The following HECW2 variants were observed in gnomAD, a reference collection of about 807,000 sequenced individuals.
HECW2 encodes the protein HECT, C2 and WW domain containing E3 ubiquitin protein ligase 2, also known as E3 ubiquitin-protein ligase HECW2.
A neutral mutation model predicts 175.2 loss-of-function variants in HECW2; 61 were observed. The ratio of observed to expected loss-of-function variants is 0.35; its 90% CI spans 0.28 to 0.43. The LOEUF (loss-of-function observed/expected upper bound fraction) is 0.43, where lower values mean the gene tolerates loss of function less well. HECW2 is among the 20% of genes least tolerant of loss of function. The pLI is 1.00. For synonymous variants in HECW2, 671 were observed against 731.0 expected, an observed-to-expected ratio of 0.92 and a Z score of 1.32; for missense variants, 1,524 against 2,000.5, an observed-to-expected ratio of 0.76 and a Z score of 4.54.
intron 2 of HECW2, among the ~76,000 whole-genome samples, chr2:196,347,997 C>T (rs1390005800): frequency 6.6e-6 from 1 of 152,268 alleles, no homozygotes; most frequent in East Asian, 1.9e-4. Context: ...ACAATCTCTA[C>T]AACTGCCACT....
At chr2:196,367,876 TTGTGTG>T (rs34963101) in intron 2 of HECW2, among the ~76,000 whole-genome samples, 1 of 144,904 alleles carries the variant, frequency 6.9e-6, no homozygotes, top group Non-Finnish European at 1.5e-5. Flanking sequence ...GTGTGTGTGT[TTGTGTG>T]TGTGTGTGTG....
chr2:196,200,114 T>C lies in HECW2; in HGVS notation c.*1163A>G, dbSNP rs994194188. On this transcript the variant is annotated 3_prime_UTR_variant, in exon 29 of 29. Transcript: ENST00000644978. Reference sequence around the variant, plus strand: ...TGGATGGAAGAGAGTCTAATGCATTTTAAATAAATGCATATCATACTATCA... The same window carrying C: ...TGGATGGAAGAGAGTCTAATGCATTCTAAATAAATGCATATCATACTATCA... 6.6e-6 allele frequency: 1 copy of C among 152,650 alleles called. No homozygotes were observed. The highest frequency in any genetic ancestry group is 2.4e-5 in the African/African-American group (1 of 41,462). 9.5% of individuals were successfully genotyped at this position (152,650 alleles called of 1,614,324 possible).
Position 196,197,815 on chromosome 2 carries a change from G to A in HECW2, c.*3462C>T, listed in dbSNP as rs555407732. ...ATGATGCTTGTACCCTACAAAGTGC[G>A]TGAGGAGCTAAACGGACGATGTACC... On this transcript the variant is annotated 3_prime_UTR_variant, in exon 29 of 29. Transcript: ENST00000644978. 8 of 152,330 alleles carry A rather than the reference G, an allele frequency of 5.3e-5. No homozygotes were observed. The highest frequency in any genetic ancestry group is 1.3e-4 in the Admixed American group (2 of 15,304). 9.4% of individuals were successfully genotyped at this position (152,330 alleles called of 1,614,324 possible). A position where few individuals can be genotyped will look rare whatever the true frequency, so the allele number is the denominator to read the frequency against.
chr2:196,538,542 G>A (rs77131547), intron 1 of HECW2, among the ~76,000 whole-genome samples: 1 of 152,278 alleles, frequency 6.6e-6, no homozygotes, highest in African/African-American at 2.4e-5. Flanking sequence ...GATTTAGGAT[G>A]GCAGCTTAGA....
At chr2:196,268,004 T>C (rs1398761902) in intron 17 of HECW2, among the ~76,000 whole-genome samples, 1 of 152,224 alleles carries the variant, frequency 6.6e-6, no homozygotes, top group Non-Finnish European at 1.5e-5. Context: ...CTCCATTCCA[T>C]GTATAAATCT....
At chr2:196,511,389 T>C (rs909598682) in intron 1 of HECW2, among the ~76,000 whole-genome samples, 2 of 152,232 alleles carry the variant, frequency 1.3e-5, no homozygotes, top group African/African-American at 2.4e-5. Context: ...GATTGAATGC[T>C]GTATTGTGTA....
intron 1 of HECW2, among the ~76,000 whole-genome samples, chr2:196,587,731 C>G (rs1036640586): frequency 6.6e-6 from 1 of 152,162 alleles, no homozygotes; most frequent in African/African-American, 2.4e-5. Context: ...ACGCACTCAC[C>G]AGTGCAGTCT....
Position 196,329,587 on chromosome 2 carries a change from A to G in HECW2, c.559T>C (p.Phe187Leu). 1 of 1,613,384 alleles carries G rather than the reference A, an allele frequency of 6.2e-7. No individual in the cohort carries two copies. The highest frequency in any genetic ancestry group is 8.5e-7 in the Non-Finnish European group (1 of 1,179,352). ...AAGACATTCTTACCTGACAATGTAA[A>G]GCTAACAAGTTTTCGAGAATGCAGG... ...GNLHSRKLVS[F>L]TLSDLRAVGL... The change falls in exon 5 of 29, where the codon TTT becomes CTT. Residue 187 changes from phenylalanine to leucine, a missense_variant. Transcript: ENST00000644978.
At chr2:196,413,938 C>T (rs1444632944) in intron 2 of HECW2, among the ~76,000 whole-genome samples, 2 of 152,164 alleles carry the variant, frequency 1.3e-5, no homozygotes, top group Non-Finnish European at 2.9e-5. Context: ...ATTTCCATCA[C>T]CCCGTGCTTC....
chr2:196,227,239 C>T (rs1366823325), intron 22 of HECW2, among the ~76,000 whole-genome samples: 1 of 152,188 alleles, frequency 6.6e-6, no homozygotes, highest in Non-Finnish European at 1.5e-5. Flanking sequence ...TCTCATGATT[C>T]AAATAAGCTT....
In HECW2 at chr2:196,394,829, C is replaced by T. The variant is rs541131065; in HGVS notation, c.292+38303G>A. ...GAATGAAGTTGGACCATGTCTTAGT[C>T]CCTTTGTGTTGCTATCAGAAAATAT... On this transcript the variant is annotated intron_variant, in intron 2 of 28. Transcript: ENST00000644978. Among the ~76,000 whole-genome samples the T allele has an allele frequency of 5.3e-4, 80 of 152,248 alleles. 1 individual carries two copies. The South Asian group carries it at 0.015, about 29-fold the overall frequency.
At chr2:196,208,454 A>C (rs1213594638) in intron 28 of HECW2, among the ~76,000 whole-genome samples, 1 of 152,250 alleles carries the variant, frequency 6.6e-6, no homozygotes, top group Non-Finnish European at 1.5e-5. Context: ...TAATTCAGAT[A>C]AGGTACTTGT....
chr2:196,585,777 A>G lies in HECW2; in HGVS notation c.-36+7731T>C, dbSNP rs573475444. On this transcript the variant is annotated intron_variant, in intron 1 of 28. Coordinates refer to ENST00000644978, the MANE Select transcript of HECW2 (RefSeq NM_001348768.2). ...CAATACCACTATAAGACCAGAAGAA[A>G]TCATTCATTTTTTCTAGATTATGCC... is the stretch of plus-strand genomic sequence containing the variant. Among the ~76,000 whole-genome samples, 13 of 152,320 alleles carry G rather than the reference A, an allele frequency of 8.5e-5. No individual in the cohort carries two copies. In the South Asian group the frequency reaches 2.7e-3, roughly 32 times the overall value.
chr2:196,484,839 T>A (rs1686948769), intron 1 of HECW2, among the ~76,000 whole-genome samples: 1 of 152,188 alleles, frequency 6.6e-6, no homozygotes, highest in Non-Finnish European at 1.5e-5. Context: ...AACTTCATCT[T>A]GAAAACTATG....
chr2:196,348,581 G>C (rs1693049823), intron 2 of HECW2, among the ~76,000 whole-genome samples: 1 of 152,132 alleles, frequency 6.6e-6, no homozygotes, highest in Non-Finnish European at 1.5e-5. Flanking sequence ...CCAGGAGTTT[G>C]AGGCTGCAGT....
chr2:196,332,367 C>T (rs1559047710), intron 4 of HECW2, among the ~76,000 whole-genome samples: 2 of 152,156 alleles, frequency 1.3e-5, no homozygotes, highest in South Asian at 2.1e-4. Flanking sequence ...ATGAGGTGCC[C>T]ATGAGGTACA....
intron 13 of HECW2, among the ~76,000 whole-genome samples, chr2:196,294,906 G>A (rs1690747879): frequency 6.6e-6 from 1 of 152,140 alleles, no homozygotes; most frequent in African/African-American, 2.4e-5. Context: ...AAGCCACTGA[G>A]ATTTGTTGGT....
In HECW2 at chr2:196,219,096, C is replaced by A. The variant is rs536890564; in HGVS notation, c.4408+943G>T. Among the ~76,000 whole-genome samples, 12 of 152,268 alleles carry A rather than the reference C, an allele frequency of 7.9e-5. No individual in the cohort carries two copies. In the East Asian group the frequency reaches 2.1e-3, roughly 27 times the overall value. Reference sequence around the variant, plus strand: ...AATCTCTGCTTCAACTTAGAGATAACTAGAGAACTGTTCAGCTCTCAATTT... The same window carrying A: ...AATCTCTGCTTCAACTTAGAGATAAATAGAGAACTGTTCAGCTCTCAATTT... On this transcript the variant is annotated intron_variant, in intron 26 of 28. Transcript: ENST00000644978.
chr2:196,382,598 AG>A (rs1470224878), intron 2 of HECW2, among the ~76,000 whole-genome samples: 2 of 152,228 alleles, frequency 1.3e-5, no homozygotes, highest in Non-Finnish European at 2.9e-5. Context: ...ATTTCTGAAT[AG>A]GTATATAACA....
Sources: allele counts gnomAD v4.1 joint callset (sites outside exome capture counted in the v4.1 genomes callset), GRCh38; gene constraint gnomAD v4.1.1; transcripts MANE v1.5; gene names NCBI Gene and HGNC (gene_info 2026-07-23, HGNC 2026-07-21).